Variants in NBPF8 observed in about 807,000 individuals in gnomAD.
NBPF8 encodes NBPF family member NBPF8.
intron 23 of NBPF8, 103 bp downstream of exon 21, chr1:120,464,651 C>T (rs1308948483): frequency 1.1e-5 from 8 of 707,300 alleles, no homozygotes; most frequent in African/African-American, 5.6e-5. Context: ...GATGTCATTG[C>T]CACAGGGAGG....
intron 1 of NBPF8, among the ~76,000 whole-genome samples, chr1:120,423,011 A>T: frequency 1.1e-5 from 1 of 90,080 alleles, no homozygotes; most frequent in Non-Finnish European, 2.2e-5. Flanking sequence ...AATTCTTCAT[A>T]TATTTTGGAC....
At chr1:120,450,738 G>T (rs71229757) in intron 11 of NBPF8, among the ~76,000 whole-genome samples, 1 of 151,954 alleles carries the variant, frequency 6.6e-6, no homozygotes, top group African/African-American at 2.4e-5. Flanking sequence ...AAAATCTTTC[G>T]CATACTTGTC....
At chr1:120,430,793 A>G (rs1208110211) in intron 3 of NBPF8, among the ~76,000 whole-genome samples, 1 of 148,706 alleles carries the variant, frequency 6.7e-6, no homozygotes, top group Non-Finnish European at 1.5e-5. Context: ...AACAAAATTT[A>G]TGTAAGGCCA....
upstream of NBPF8, among the ~76,000 whole-genome samples, chr1:120,419,224 A>T (rs1660506263): frequency 2.6e-5 from 4 of 152,374 alleles, no homozygotes; most frequent in Admixed American, 2.0e-4. Context: ...ATGAAAAGTA[A>T]ACCTTTGTAT....
intron 1 of NBPF8, among the ~76,000 whole-genome samples, chr1:120,422,856 G>A (rs1216163285): frequency 9.4e-6 from 1 of 105,958 alleles, no homozygotes; most frequent in South Asian, 2.4e-4. Flanking sequence ...GTGATATCTC[G>A]TTTTAATGTG....
intron 2 of NBPF8, among the ~76,000 whole-genome samples, chr1:120,426,856 C>T (rs1321198014): frequency 8.6e-5 from 13 of 150,786 alleles, no homozygotes; most frequent in African/African-American, 2.4e-4. Context: ...AATGAGGGAA[C>T]ATGGAGGGGA....
At chr1:120,431,262 T>A (rs1249108701) in intron 3 of NBPF8, among the ~76,000 whole-genome samples, 1 of 142,984 alleles carries the variant, frequency 7.0e-6, no homozygotes, top group Non-Finnish European at 1.5e-5. Context: ...CGTGTGTGTG[T>A]GTGTGTGTGT....
upstream of NBPF8, among the ~76,000 whole-genome samples, chr1:120,415,169 G>T (rs1553244886): frequency 3.9e-5 from 6 of 152,288 alleles, no homozygotes; most frequent in East Asian, 1.2e-3. Context: ...TTTTGGGAAC[G>T]CGGGACGGGC....
intron 23 of NBPF8, 71 bp downstream of exon 21, chr1:120,464,619 A>T (rs1661692110): frequency 2.6e-6 from 2 of 778,534 alleles, no homozygotes; most frequent in East Asian, 2.4e-5. Flanking sequence ...TCCTGCTCCA[A>T]GTGGCCATTA....
chr1:120,461,062 G>T (rs1441023939), intron 18 of NBPF8, among the ~76,000 whole-genome samples, 192 bp from the exon 17 acceptor site: 1 of 131,628 alleles, frequency 7.6e-6, no homozygotes, highest in Non-Finnish European at 1.6e-5. Flanking sequence ...GTGTGTGTGT[G>T]TGTCTTTCTC....
At chr1:120,432,312 C>T (rs1292130790), upstream of NBPF8, 7 of 97,878 alleles carry the variant, frequency 7.2e-5, 1 homozygote, top group Non-Finnish European at 1.2e-4. Flanking sequence ...CCAGGAAAAA[C>T]CTAGGCAAAA....
chr1:120,469,616 A>T (rs1309301305), downstream of NBPF8, among the ~76,000 whole-genome samples: 7 of 152,170 alleles, frequency 4.6e-5, no homozygotes, highest in Non-Finnish European at 1.0e-4. Flanking sequence ...TATAAAGTCG[A>T]ATTTATCAAT....
chr1:120,424,508 C>T (rs1392400540), intron 1 of NBPF8, among the ~76,000 whole-genome samples: 2 of 152,214 alleles, frequency 1.3e-5, no homozygotes, highest in East Asian at 1.9e-4. Context: ...AATGCAACGG[C>T]GCCATCTCAG....
chr1:120,452,359 C>T, intron 13 of NBPF8, 28 bp downstream of exon 11: 2 of 1,203,770 alleles, frequency 1.7e-6, no homozygotes, highest in East Asian at 2.4e-5. Flanking sequence ...CCTGATGACC[C>T]AAAATCCCAG....
upstream of NBPF8, among the ~76,000 whole-genome samples, chr1:120,415,416 G>A (rs1167781843): frequency 2.0e-5 from 3 of 152,042 alleles, no homozygotes; most frequent in Non-Finnish European, 2.9e-5. Context: ...CGTGTGTTCC[G>A]GCCCCGCCGG....
upstream of NBPF8, chr1:120,432,084 G>A (rs1660894925): frequency 7.2e-6 from 1 of 139,204 alleles, no homozygotes; most frequent in East Asian, 2.2e-4. Flanking sequence ...ACCTTCCTCT[G>A]GAACCTCAGT....
intron 17 of NBPF8, 117 bp from the exon 16 acceptor site, chr1:120,460,456 C>A (rs1294223645): frequency 3.6e-5 from 28 of 788,004 alleles, no homozygotes; most frequent in Non-Finnish European, 5.9e-5. Context: ...CTCTCAAAGT[C>A]TCCTGTTCTC....
chr1:120,461,095 C>G (rs1553250265), intron 18 of NBPF8, among the ~76,000 whole-genome samples, 159 bp from the exon 17 acceptor site: 1 of 147,620 alleles, frequency 6.8e-6, no homozygotes, highest in Non-Finnish European at 1.5e-5. Context: ...CTACCTGGCC[C>G]TAGTCTATCC....
upstream of NBPF8, among the ~76,000 whole-genome samples, chr1:120,417,889 C>T (rs1440201388): frequency 1.5e-5 from 2 of 134,512 alleles, no homozygotes; most frequent in African/African-American, 5.9e-5. Context: ...GCATGAGCCA[C>T]CCCACCCGGC....
Sources: gnomAD v4.1 joint callset for allele counts (sites outside exome capture counted in the v4.1 genomes callset) on GRCh38, gnomAD v4.1.1 for gene constraint, MANE v1.5 for transcripts, NCBI Gene and HGNC (gene_info 2026-07-23, HGNC 2026-07-21) for gene names.